GSAP: variants seen among roughly 807,000 people sequenced by gnomAD.
GSAP encodes the protein gamma-secretase-activating protein.
A neutral mutation model predicts 131.7 loss-of-function variants in GSAP; 118 were observed. The ratio of observed to expected loss-of-function variants is 0.90; its 90% CI spans 0.77 to 1.04. GSAP has a LOEUF of 1.04. Ranked by LOEUF, GSAP falls within the 50% of genes least tolerant of loss-of-function variation. The pLI, the probability that GSAP is intolerant of heterozygous loss-of-function variation, is 0.00. For missense variants in GSAP, 1,019 were observed against 1,013.2 expected (o/e 1.01, Z -0.08); for synonymous variants, 381 against 363.4 (o/e 1.05, Z -0.55).
At position 77,329,774 on chromosome 7, in the gene GSAP, AGATTC is replaced by A. The variant is rs72091894; in HGVS notation, c.1675-388_1675-384del. The A allele has an allele frequency of 6.6e-3, 1,053 of 158,606 alleles. 14 individuals carry two copies. The highest frequency in any genetic ancestry group is 0.018 in the African/African-American group (717 of 39,888). The allele number at this position is 158,606 out of a possible 1,614,324, so 9.8% of individuals were successfully genotyped here. ...CATTCTATGTCATTTTATCATGTTT[AGATTC>A]ATGTCCCACAATGTACCACCACAAT... On this transcript the variant is annotated intron_variant, in intron 20 of 30. Transcript: ENST00000257626.
intron 12 of GSAP, among the ~76,000 whole-genome samples, chr7:77,369,169 C>T (rs1038736314): frequency 2.0e-5 from 3 of 152,256 alleles, no homozygotes; most frequent in African/African-American, 4.8e-5. Context: ...TACTCACTAC[C>T]CTCCCAGTAG....
chr7:77,335,565 A>G (rs1291538768), intron 19 of GSAP, among the ~76,000 whole-genome samples: 1 of 152,208 alleles, frequency 6.6e-6, no homozygotes, highest in African/African-American at 2.4e-5. Context: ...TCACTGAACA[A>G]AAGAACCAGT....
At chr7:77,325,708 T>C (rs1788244845) in intron 23 of GSAP, among the ~76,000 whole-genome samples, 1 of 152,190 alleles carries the variant, frequency 6.6e-6, no homozygotes, top group South Asian at 2.1e-4. Context: ...GTAGCTGAGA[T>C]TACAGGTGTG....
intron 6 of GSAP, among the ~76,000 whole-genome samples, chr7:77,384,108 A>G (rs1415991097): frequency 6.6e-6 from 1 of 152,278 alleles, no homozygotes; most frequent in Non-Finnish European, 1.5e-5. Flanking sequence ...ACCAGAGTTG[A>G]GGAAAAGCAG....
chr7:77,351,149 T>G, intron 18 of GSAP: 1 of 979,814 alleles, frequency 1.0e-6, no homozygotes, highest in South Asian at 4.7e-5. Context: ...TGCAAACAAC[T>G]AAGTTCTTCA....
At chr7:77,351,717 C>T (rs543261985) in intron 18 of GSAP, 1 of 985,832 alleles carries the variant, frequency 1.0e-6, no homozygotes, top group East Asian at 1.1e-4. Context: ...GGAAGCGTTA[C>T]CCTCAGGGTG....
intron 8 of GSAP, chr7:77,380,027 A>G (rs1473177018): frequency 5.9e-6 from 3 of 507,962 alleles, no homozygotes; most frequent in Middle Eastern, 1.0e-3. Flanking sequence ...ATCATTTTTA[A>G]TATCAATAAC....
intron 18 of GSAP, 47 bp downstream of exon 18, chr7:77,352,897 C>G (rs771626677): frequency 9.1e-7 from 1 of 1,099,708 alleles, no homozygotes; most frequent in Non-Finnish European, 1.4e-6. Context: ...TGACCCACAA[C>G]TGTGAATTGA....
intron 1 of GSAP, chr7:77,415,502 C>T (rs1804198116): frequency 6.6e-6 from 1 of 152,326 alleles, no homozygotes; most frequent in African/African-American, 2.4e-5. Flanking sequence ...CTTTCACTCC[C>T]TTACCAAATC....
chr7:77,400,936 A>AT (rs35614699), intron 3 of GSAP, among the ~76,000 whole-genome samples: 44,372 of 141,926 alleles, frequency 0.31, 7,462 homozygotes, highest in East Asian at 0.47. Context: ...ACAATTACCA[A>AT]TTTTTTTTTT....
Position 77,355,787 on chromosome 7 carries a change from G to T in GSAP, c.1028-140C>A, listed in dbSNP as rs865830169. The T allele has an allele frequency of 1.4e-3, 406 of 294,452 alleles. 10 individuals carry two copies. The highest frequency in any genetic ancestry group is 3.4e-3 in the South Asian group (102 of 30,232). The allele number at this position is 294,452 out of a possible 1,614,324, so 18.2% of individuals were successfully genotyped here. On this transcript the variant is annotated intron_variant, in intron 14 of 30. Transcript: ENST00000257626. ...GTAATAAGCTATCTAATGACAGCCC[G>T]TTTTTTTTTTTTTTTTTTTAAGACA... is the stretch of plus-strand genomic sequence containing the variant.
intron 20 of GSAP, 48 bp downstream of exon 20, chr7:77,330,191 G>T: frequency 1.3e-6 from 2 of 1,570,618 alleles, no homozygotes; most frequent in Non-Finnish European, 1.7e-6. Flanking sequence ...CCTGGATCCA[G>T]TCCACTATGC....
chr7:77,374,973 T>A (rs961780973), intron 11 of GSAP, 85 bp downstream of exon 11: 2 of 633,608 alleles, frequency 3.2e-6, no homozygotes, highest in Non-Finnish European at 5.5e-6. Flanking sequence ...TCTCTTTTTA[T>A]CTGCATAATA....
In GSAP at chr7:77,397,000, T is replaced by G. The variant is rs1441178148; in HGVS notation, c.349A>C (p.Arg117=). 6.3e-7 allele frequency: 1 copy of G among 1,595,596 alleles called. No individual in the cohort carries two copies. The highest frequency in any genetic ancestry group is 2.2e-5 in the East Asian group (1 of 44,588). ...SLVQSTKEGK[R]NELQPGSKCL... ...TCATTACCTGGTTGAAGTTCGTTCC[T>G]TTTTCCTTCTTTAGTAGACTGAACT... The change falls in exon 5 of 31, where the codon AGG becomes CGG. Residue 117 remains arginine, a synonymous_variant. Coordinates refer to ENST00000257626, the MANE Select transcript of GSAP (RefSeq NM_017439.4).
Position 77,387,391 on chromosome 7 carries a change from A to C in GSAP, c.425T>G (p.Leu142Arg), listed in dbSNP as rs763484733. Residue 142 changes from leucine to arginine, a missense_variant, in exon 6 of 31, where the codon CTA (leucine) becomes CGA (arginine). Coordinates refer to ENST00000257626, the MANE Select transcript of GSAP (RefSeq NM_017439.4). ...CCAAATATAGCTATCCACAGCCTTT[A>C]GAACCTTCACATTGTTAACAGGGTG... ...EIHPVNNVKV[L>R]KAVDSYIWVQ... 6.2e-7 allele frequency: 1 copy of C among 1,601,044 alleles called. No homozygotes were observed. Among genetic ancestry groups the C allele is most frequent in the East Asian group, 2.2e-5 (1 of 44,818 alleles).
intron 5 of GSAP, among the ~76,000 whole-genome samples, chr7:77,391,403 T>C (rs1799520232): frequency 6.6e-6 from 1 of 152,184 alleles, no homozygotes; most frequent in South Asian, 2.1e-4. Context: ...GCTTTCACAG[T>C]GAAAAAGGAA....
intron 23 of GSAP, among the ~76,000 whole-genome samples, chr7:77,324,826 C>CTTTTTTTT (rs150930764): frequency 7.2e-5 from 7 of 97,284 alleles, no homozygotes; most frequent in South Asian, 3.5e-4. Context: ...GTTTGCCATA[C>CTTTTTTTT]TTTTTTTTTT....
chr7:77,366,921 T>C (rs1795407826), intron 12 of GSAP, among the ~76,000 whole-genome samples: 1 of 152,202 alleles, frequency 6.6e-6, no homozygotes, highest in Admixed American at 6.5e-5. Flanking sequence ...ATTCTCATTG[T>C]AGACATCTTT....
chr7:77,392,504 C>T (rs1171841592), intron 5 of GSAP, among the ~76,000 whole-genome samples: 1 of 152,076 alleles, frequency 6.6e-6, no homozygotes, highest in Admixed American at 6.6e-5. Context: ...GCTGAGATCA[C>T]ACCACTGCAC....
Sources: gnomAD v4.1 joint callset for allele counts (sites outside exome capture counted in the v4.1 genomes callset) on GRCh38, gnomAD v4.1.1 for gene constraint, MANE v1.5 for transcripts, NCBI Gene and HGNC (gene_info 2026-07-23, HGNC 2026-07-21) for gene names.